The following DIAPH2 variants were observed in gnomAD, a reference collection of about 807,000 sequenced individuals.
The protein encoded by DIAPH2 is diaphanous related formin 2, also known as protein diaphanous homolog 2.
A neutral mutation model predicts 92.7 loss-of-function variants in DIAPH2; 35 were observed. The ratio of observed to expected loss-of-function variants is 0.38; its 90% confidence interval spans 0.29 to 0.50. DIAPH2 has a LOEUF of 0.50. Ranked by LOEUF, DIAPH2 falls within the 20% of genes least tolerant of loss-of-function variation. The pLI is 0.94. For missense variants in DIAPH2, 701 were observed against 819.5 expected (o/e 0.86, Z 1.77); for synonymous variants, 301 against 280.4 (o/e 1.07, Z -0.73).
intron 23 of DIAPH2, among the ~76,000 whole-genome samples, chrX:97,322,849 C>A (rs1236938474): frequency 9.2e-6 from 1 of 109,137 alleles, no homozygotes; most frequent in African/African-American, 3.3e-5. Context: ...ATGATATATT[C>A]CTACAAGTAC....
intron 4 of DIAPH2, among the ~76,000 whole-genome samples, chrX:96,797,152 A>G (rs1225868257): frequency 9.0e-6 from 1 of 110,571 alleles, no homozygotes; most frequent in African/African-American, 3.3e-5. Flanking sequence ...GATTTCATCC[A>G]TTGTCTTCTG....
At chrX:97,502,539 A>G (rs2147830585) in intron 26 of DIAPH2, among the ~76,000 whole-genome samples, 1 of 112,430 alleles carries the variant, frequency 8.9e-6, no homozygotes, top group East Asian at 2.8e-4. Context: ...AAATACCAGT[A>G]TTTTAATTTG....
At chrX:97,272,425 T>TAAAAG (rs1188417016) in intron 23 of DIAPH2, among the ~76,000 whole-genome samples, 1 of 111,962 alleles carries the variant, frequency 8.9e-6, no homozygotes, top group East Asian at 2.8e-4. Flanking sequence ...AACTTTAATG[T>TAAAAG]AAAAGAAAAG....
In DIAPH2 at chrX:96,954,580, G is replaced by T. The variant is rs5920981; in HGVS notation, c.1615-3248G>T. Among the ~76,000 whole-genome samples, 899 of 111,299 alleles carry T rather than the reference G, an allele frequency of 8.1e-3. 9 individuals are homozygous for T. Among genetic ancestry groups the T allele is most frequent in the African/African-American group, 0.028 (859 of 30,464 alleles). On this transcript the variant is annotated intron_variant, in intron 15 of 26. Transcript: ENST00000324765. ...ATGAAAAGACAGTCTTTTATATTGGGATGAGGATGGTATTAGATGTAAGAA... is the reference window on the plus strand; with the variant it reads ...ATGAAAAGACAGTCTTTTATATTGGTATGAGGATGGTATTAGATGTAAGAA...
At chrX:97,033,964 A>G (rs1357326155) in intron 17 of DIAPH2, among the ~76,000 whole-genome samples, 1 of 111,637 alleles carries the variant, frequency 9.0e-6, no homozygotes, top group African/African-American at 3.2e-5. Context: ...CCAGCTGGGA[A>G]TGTCTTAAAG....
chrX:96,874,410 A>G (rs775344780), intron 4 of DIAPH2, among the ~76,000 whole-genome samples: 6 of 112,077 alleles, frequency 5.4e-5, no homozygotes, highest in South Asian at 7.4e-4. Flanking sequence ...TTTACTTGCT[A>G]TTACTCACCC....
At chrX:97,347,542 T>C (rs928706384) in intron 23 of DIAPH2, among the ~76,000 whole-genome samples, 1 of 111,576 alleles carries the variant, frequency 9.0e-6, no homozygotes, top group Non-Finnish European at 1.9e-5. Context: ...TATGCCTATA[T>C]GCTTTCATTT....
chrX:97,284,795 A>G (rs138748285), intron 23 of DIAPH2, among the ~76,000 whole-genome samples: 1,643 of 110,881 alleles, frequency 0.015, 13 homozygotes, highest in Non-Finnish European at 0.025. Flanking sequence ...AGTGTGCCAT[A>G]TCTTACTTGT....
At chrX:97,374,694 C>A (rs1420032877) in intron 24 of DIAPH2, among the ~76,000 whole-genome samples, 2 of 111,980 alleles carry the variant, frequency 1.8e-5, no homozygotes, top group Admixed American at 9.4e-5. Context: ...TCCTTCAATC[C>A]AATATGCCCT....
At chrX:97,198,066 A>G (rs779719498) in intron 22 of DIAPH2, among the ~76,000 whole-genome samples, 2 of 110,751 alleles carry the variant, frequency 1.8e-5, no homozygotes, top group Non-Finnish European at 3.8e-5. Context: ...GCTGAAAACT[A>G]TTTGTTTCTT....
At chrX:97,353,999 G>C (rs2147697398) in intron 24 of DIAPH2, among the ~76,000 whole-genome samples, 1 of 110,635 alleles carries the variant, frequency 9.0e-6, no homozygotes, top group East Asian at 2.8e-4. Context: ...ATTTTTAATA[G>C]AGATGAGATC....
intron 1 of DIAPH2, among the ~76,000 whole-genome samples, chrX:96,717,816 G>GTA (rs61272505): frequency 0.04 from 1,443 of 36,183 alleles, 53 homozygotes; most frequent in Non-Finnish European, 0.055. Flanking sequence ...TGGGTATATA[G>GTA]TATATATATA....
Position 96,958,296 on chromosome X carries a change from G to A in DIAPH2, c.1935+148G>A, listed in dbSNP as rs146222765. 823 of 675,254 alleles carry A rather than the reference G, an allele frequency of 1.2e-3. 6 individuals are homozygous for A. The African/African-American group carries it at 0.017, about 14-fold the overall frequency. 55.6% of individuals were successfully genotyped at this position (675,254 alleles called of 1,213,427 possible). ...ATTTTATGTCCATCTTTCAATTTAGGTTGTAGATAATTGGAAACTCTCCAG... is the reference window on the plus strand; with the variant it reads ...ATTTTATGTCCATCTTTCAATTTAGATTGTAGATAATTGGAAACTCTCCAG... On this transcript the variant is annotated intron_variant, in intron 16 of 26. Coordinates refer to ENST00000324765, the MANE Select transcript of DIAPH2 (RefSeq NM_006729.5).
intron 19 of DIAPH2, among the ~76,000 whole-genome samples, chrX:97,091,902 G>C (rs2066828404): frequency 9.0e-6 from 1 of 111,726 alleles, no homozygotes; most frequent in Non-Finnish European, 1.9e-5. Context: ...GAGGGCGGGG[G>C]TGTTGCCTTG....
Position 97,603,373 on chromosome X carries a change from T to C in DIAPH2, c.*4056T>C, listed in dbSNP as rs933872925. ...CCCAGGCTCAAGGGATCCTCCTGCA[T>C]CAGCCTTCCAAGTAGCTGGGTCTAC... is the stretch of plus-strand genomic sequence containing the variant. On this transcript the variant is annotated 3_prime_UTR_variant, in exon 27 of 27. Coordinates refer to ENST00000324765, the MANE Select transcript of DIAPH2 (RefSeq NM_006729.5). The C allele has an allele frequency of 4.5e-5, 5 of 111,222 alleles. No individual in the cohort carries two copies. Among genetic ancestry groups the C allele is most frequent in the Admixed American group, 2.9e-4 (3 of 10,476 alleles). 9.2% of individuals were successfully genotyped at this position (111,222 alleles called of 1,213,427 possible).
At chrX:97,163,033 C>T (rs1046331018) in intron 22 of DIAPH2, among the ~76,000 whole-genome samples, 7 of 111,550 alleles carry the variant, frequency 6.3e-5, no homozygotes, top group African/African-American at 2.3e-4. Flanking sequence ...ACTGAGAGCT[C>T]ACCTTTAGCA....
intron 4 of DIAPH2, among the ~76,000 whole-genome samples, chrX:96,774,398 C>T (rs1459719560): frequency 8.9e-6 from 1 of 111,835 alleles, no homozygotes; most frequent in East Asian, 2.8e-4. Flanking sequence ...TACCTACAGT[C>T]ATACCTACAA....
At chrX:97,050,511 T>G (rs1300194767) in intron 17 of DIAPH2, among the ~76,000 whole-genome samples, 76 of 108,730 alleles carry the variant, frequency 7.0e-4, no homozygotes, top group African/African-American at 2.0e-3. Context: ...TTTTTGTTTT[T>G]TTTTTTTTTT....
intron 5 of DIAPH2, among the ~76,000 whole-genome samples, chrX:96,903,923 T>C (rs1331911892): frequency 8.9e-6 from 1 of 112,490 alleles, no homozygotes; most frequent in Non-Finnish European, 1.9e-5. Context: ...TGTTTACTTA[T>C]ACTGTTGCCC....
Sources: allele counts gnomAD v4.1 joint callset (sites outside exome capture counted in the v4.1 genomes callset), GRCh38; gene constraint gnomAD v4.1.1; transcripts MANE v1.5; gene names NCBI Gene and HGNC (gene_info 2026-07-23, HGNC 2026-07-21).